ANKRD30A: variants seen among roughly 807,000 people sequenced by gnomAD.
The protein encoded by ANKRD30A is ankyrin repeat domain 30A.
ANKRD30A carries 170 observed loss-of-function variants against 166.3 expected under a neutral mutation model. That is an observed-to-expected ratio of 1.02 (90% CI 0.90 to 1.16). The LOEUF (loss-of-function observed/expected upper bound fraction) is 1.16, where lower values mean the gene tolerates loss of function less well. Ranked by LOEUF, ANKRD30A falls within the 50% of genes most tolerant of loss-of-function variation. ANKRD30A has a pLI of 0.00. For synonymous variants in ANKRD30A, 564 were observed against 508.9 expected, an observed-to-expected ratio of 1.11 and a Z score of -1.46; for missense variants, 1,630 against 1,518.0, an observed-to-expected ratio of 1.07 and a Z score of -1.23.
intron 24 of ANKRD30A, among the ~76,000 whole-genome samples, chr10:37,183,108 G>A (rs1262579848): frequency 6.7e-6 from 1 of 149,210 alleles, no homozygotes; most frequent in East Asian, 2.0e-4. Flanking sequence ...TGATATCACA[G>A]AGCTTTTACT....
At chr10:37,228,823 T>G (rs890365911) in intron 34 of ANKRD30A, among the ~76,000 whole-genome samples, 1 of 152,058 alleles carries the variant, frequency 6.6e-6, no homozygotes, top group Non-Finnish European at 1.5e-5. Context: ...GTGACTAATT[T>G]CTACTGTGTA....
rs1035758769 is a variant in ANKRD30A, at chr10:37,203,587, G to A, written c.2869+2262G>A. On this transcript the variant is annotated intron_variant, in intron 31 of 35. Coordinates refer to ENST00000361713, the MANE Select transcript of ANKRD30A (RefSeq NM_052997.3). The stretch of plus-strand genomic sequence containing the variant: ...TTGAAAACTGGCACAAGACAGGGAT[G>A]CCCTCTCTCACCACTGCTATTCAAC... 3.3e-5 allele frequency among the ~76,000 whole-genome samples: 5 copies of A among 152,288 alleles called. No individual in the cohort carries two copies. In the East Asian group the frequency reaches 9.6e-4, roughly 29 times the overall value.
intron 34 of ANKRD30A, among the ~76,000 whole-genome samples, chr10:37,221,328 A>C (rs75595567): frequency 6.6e-6 from 1 of 151,280 alleles, no homozygotes; most frequent in South Asian, 2.1e-4. Context: ...TTGTCAGGTC[A>C]TTGTGAGACA....
At chr10:37,248,176 A>G in the ANKRD30A span, 3 of 635,730 alleles carry the variant, frequency 4.7e-6, no homozygotes, top group Non-Finnish European at 9.2e-6. Flanking sequence ...TGCACTCGGG[A>G]GAGCATGCTC....
intron 29 of ANKRD30A, among the ~76,000 whole-genome samples, chr10:37,198,450 A>G (rs1001305720): frequency 6.6e-6 from 1 of 152,144 alleles, no homozygotes; most frequent in Non-Finnish European, 1.5e-5. Flanking sequence ...AAATGAAAAC[A>G]TGCAGATTTC....
chr10:37,254,164 T>A, the ANKRD30A span, among the ~76,000 whole-genome samples: 1 of 152,214 alleles, frequency 6.6e-6, no homozygotes, highest in Non-Finnish European at 1.5e-5. Flanking sequence ...ATGGTAATGC[T>A]GCTATAACAT....
intron 1 of ANKRD30A, among the ~76,000 whole-genome samples, chr10:37,127,727 G>C (rs945925206): frequency 1.3e-5 from 2 of 152,080 alleles, no homozygotes; most frequent in Non-Finnish European, 2.9e-5. Context: ...AGGCATTTAA[G>C]TTAAAAAAGG....
intron 31 of ANKRD30A, among the ~76,000 whole-genome samples, chr10:37,206,017 G>A (rs542344627): frequency 1.3e-5 from 2 of 152,292 alleles, no homozygotes; most frequent in East Asian, 3.9e-4. Context: ...TTAGCCAGAA[G>A]AGGAGAAGAA....
At chr10:37,126,412 A>G (rs555933761) in intron 1 of ANKRD30A, among the ~76,000 whole-genome samples, 23 of 152,356 alleles carry the variant, frequency 1.5e-4, no homozygotes, top group Non-Finnish European at 2.9e-4. Flanking sequence ...GCGTAATGAA[A>G]TAATTCCCAT....
At chr10:37,165,384 T>C (rs1484595902) in intron 18 of ANKRD30A, among the ~76,000 whole-genome samples, 1 of 152,154 alleles carries the variant, frequency 6.6e-6, no homozygotes, top group African/African-American at 2.4e-5. Flanking sequence ...TGGTATAGTG[T>C]AAAAACTAAG....
intron 15 of ANKRD30A, among the ~76,000 whole-genome samples, chr10:37,159,911 G>C (rs189172000): frequency 6.6e-6 from 1 of 152,108 alleles, no homozygotes; most frequent in Non-Finnish European, 1.5e-5. Context: ...AGCCAGGATG[G>C]TCTGATCCGG....
intron 15 of ANKRD30A, 131 bp downstream of exon 15, chr10:37,158,717 A>T: frequency 7.5e-7 from 1 of 1,340,348 alleles, no homozygotes; most frequent in Non-Finnish European, 1.0e-6. Context: ...AATAATGCCA[A>T]TGTGAGTATT....
chr10:37,155,113 A>T (rs58180894), intron 13 of ANKRD30A, among the ~76,000 whole-genome samples: 1,827 of 152,276 alleles, frequency 0.012, 24 homozygotes, highest in African/African-American at 0.042. Context: ...TGAATTTATG[A>T]CTTGAATACT....
the ANKRD30A span, among the ~76,000 whole-genome samples, chr10:37,244,043 C>G: frequency 1.3e-5 from 2 of 152,096 alleles, no homozygotes; most frequent in Non-Finnish European, 2.9e-5. Context: ...TATCATAGTT[C>G]TCACAGATTT....
intron 31 of ANKRD30A, among the ~76,000 whole-genome samples, chr10:37,201,612 T>C (rs1343898899): frequency 6.6e-6 from 1 of 151,994 alleles, no homozygotes; most frequent in East Asian, 1.9e-4. Context: ...AAATGAAGAC[T>C]GAGAAAGACA....
chr10:37,226,363 G>GT lies in ANKRD30A; in HGVS notation c.4186-5092dup, dbSNP rs961701036. On this transcript the variant is annotated intron_variant, in intron 34 of 35. Coordinates refer to ENST00000361713, the MANE Select transcript of ANKRD30A (RefSeq NM_052997.3). ...TATGAGTGAGAACATGCGGCGTTTGGTTTTTTGTCCTTGCAATAGTTTGCT... is the reference window on the plus strand; with the variant it reads ...TATGAGTGAGAACATGCGGCGTTTGGTTTTTTTGTCCTTGCAATAGTTTGCT... 1.2e-4 allele frequency among the ~76,000 whole-genome samples: 18 copies of GT among 149,470 alleles called. No individual in the cohort carries two copies. The South Asian group carries it at 1.3e-3, about 11-fold the overall frequency.
At chr10:37,190,062 A>G (rs2132651432) in intron 25 of ANKRD30A, among the ~76,000 whole-genome samples, 1 of 152,012 alleles carries the variant, frequency 6.6e-6, no homozygotes, top group South Asian at 2.1e-4. Context: ...GCCATTAGGG[A>G]TGGAAGCACC....
chr10:37,159,979 G>A (rs1396710865), intron 15 of ANKRD30A, among the ~76,000 whole-genome samples: 17 of 152,128 alleles, frequency 1.1e-4, no homozygotes, highest in African/African-American at 1.7e-4. Context: ...AATTACAGGC[G>A]TGAGGCACCG....
the ANKRD30A span, among the ~76,000 whole-genome samples, chr10:37,253,649 CTT>C: frequency 1.0e-3 from 130 of 130,008 alleles, no homozygotes; most frequent in African/African-American, 2.0e-3. Flanking sequence ...TTTTCTTTTT[CTT>C]TTTTTTTTTT....
Sources: allele counts gnomAD v4.1 joint callset (sites outside exome capture counted in the v4.1 genomes callset), GRCh38; gene constraint gnomAD v4.1.1; transcripts MANE v1.5; gene names NCBI Gene and HGNC (gene_info 2026-07-23, HGNC 2026-07-21).